The following PGPEP1 variants were observed in gnomAD, a reference collection of about 807,000 sequenced individuals.
The protein encoded by PGPEP1 is pyroglutamyl-peptidase 1.
A neutral mutation model predicts 24.1 loss-of-function variants in PGPEP1; 15 were observed. The ratio of observed to expected loss-of-function variants is 0.62; its 90% CI spans 0.42 to 0.96. The LOEUF (loss-of-function observed/expected upper bound fraction) is 0.96. Among genes scored for constraint, PGPEP1 ranks in the 40% least tolerant of loss-of-function variants. The pLI is 0.00. For synonymous variants in PGPEP1, 122 were observed against 116.4 expected, an observed-to-expected ratio of 1.05 and a Z score of -0.31; for missense variants, 242 against 273.4, an observed-to-expected ratio of 0.89 and a Z score of 0.81.
intron 4 of PGPEP1, chr19:18,361,761 C>T (rs1378505306): frequency 2.0e-6 from 2 of 985,216 alleles, no homozygotes; most frequent in Middle Eastern, 5.2e-4. Flanking sequence ...TACATATATA[C>T]ATCACTTGGC....
In PGPEP1 at chr19:18,363,377, G is replaced by A. The variant is rs768702725; in HGVS notation, c.438-14G>A. 1.0e-5 allele frequency: 16 copies of A among 1,596,244 alleles called. No homozygotes were observed. The highest frequency in any genetic ancestry group is 1.7e-4 in the Middle Eastern group (1 of 6,050). On this transcript the variant is annotated splice_polypyrimidine_tract_variant and intron_variant, in intron 4 of 4. Transcript: ENST00000269919. The stretch of plus-strand genomic sequence containing the variant: ...TTTTGGTCTCTCTCTTACCCGCCAC[G>A]CCCTGCGGCTTAGATATCTCTGCGA...
intron 4 of PGPEP1, 81 bp from the exon 5 acceptor site, chr19:18,363,310 G>A (rs1273080097): frequency 2.7e-6 from 3 of 1,108,516 alleles, no homozygotes; most frequent in Admixed American, 4.2e-5. Context: ...GGATTTGGAT[G>A]GGTGCTGTCA....
Position 18,342,893 on chromosome 19 carries a change from C to T in PGPEP1, c.69C>T (p.Ala23=). 6 of 1,613,764 alleles carry T rather than the reference C, an allele frequency of 3.7e-6. No homozygotes were observed. Among genetic ancestry groups the T allele is most frequent in the Non-Finnish European group, 5.1e-6 (6 of 1,179,690 alleles). The change falls in exon 2 of 5, where the codon GCC becomes GCT. Residue 23 remains alanine (A), a synonymous_variant. Transcript: ENST00000269919. ...FGPFGEHTVN[A]SWIAVQELEK... is the part of the protein sequence containing the mutation. ...CTTTTGGGGAACACACCGTGAACGC[C>T]AGTTGGATTGCAGTTCAGGTAACTT...
rs1322138751 is a variant in PGPEP1, at chr19:18,366,920, G to C, written c.*3337G>C. On this transcript the variant is annotated 3_prime_UTR_variant, in exon 5 of 5. Transcript: ENST00000269919. Reference sequence around the variant, plus strand: ...TGTAATCCTAGCACTTTGGGAGGTTGAGGCAGGAGAATCCCTTGAGCCAGG... The same window carrying C: ...TGTAATCCTAGCACTTTGGGAGGTTCAGGCAGGAGAATCCCTTGAGCCAGG... The C allele has an allele frequency of 6.6e-6, 1 of 152,052 alleles. No homozygotes were observed. The highest frequency in any genetic ancestry group is 1.5e-5 in the Non-Finnish European group (1 of 68,090). 9.4% of individuals were successfully genotyped at this position (152,052 alleles called of 1,614,324 possible).
In PGPEP1 at chr19:18,363,752, G is replaced by A; in HGVS notation, c.*169G>A. Reference sequence around the variant, plus strand: ...TTCCTCCTTCTCTACAAAAGCTCCGGTTGATTCGAGGGAAGTGGTGAAAAT... The same window carrying A: ...TTCCTCCTTCTCTACAAAAGCTCCGATTGATTCGAGGGAAGTGGTGAAAAT... On this transcript the variant is annotated 3_prime_UTR_variant, in exon 5 of 5. Transcript: ENST00000269919. 1.9e-6 allele frequency: 1 copy of A among 519,578 alleles called. No individual in the cohort carries two copies. Among genetic ancestry groups the A allele is most frequent in the Non-Finnish European group, 3.3e-6 (1 of 300,070 alleles). The allele number at this position is 519,578 out of a possible 1,614,324, so 32.2% of individuals were successfully genotyped here.
intron 2 of PGPEP1, among the ~76,000 whole-genome samples, chr19:18,348,092 C>T (rs1363353270): frequency 2.0e-5 from 3 of 152,068 alleles, no homozygotes; most frequent in Non-Finnish European, 4.4e-5. Flanking sequence ...CTTCCCCCAG[C>T]ACCCCAAGCA....
At position 18,342,913 on chromosome 19, in the gene PGPEP1, T is replaced by G. The variant is rs749451938; in HGVS notation, c.87+2T>G. The G allele has an allele frequency of 1.2e-6, 2 of 1,611,744 alleles. No homozygotes were observed. On this transcript the variant is annotated splice_donor_variant, in intron 2 of 4. Coordinates refer to ENST00000269919, the MANE Select transcript of PGPEP1 (RefSeq NM_017712.4). LOFTEE classifies it high-confidence loss of function. ...AACGCCAGTTGGATTGCAGTTCAGGTAACTTAGATCCGGAGGGTGGGAGTC... is the reference window on the plus strand; with the variant it reads ...AACGCCAGTTGGATTGCAGTTCAGGGAACTTAGATCCGGAGGGTGGGAGTC...
chr19:18,358,679 C>A (rs902244411), intron 4 of PGPEP1, among the ~76,000 whole-genome samples: 1 of 151,842 alleles, frequency 6.6e-6, no homozygotes, highest in African/African-American at 2.4e-5. Context: ...GCAATGGCGC[C>A]ATCTCGGCTC....
chr19:18,357,042 A>T (rs1421173267), intron 3 of PGPEP1, among the ~76,000 whole-genome samples: 1 of 152,240 alleles, frequency 6.6e-6, no homozygotes. Flanking sequence ...CATCTCAACA[A>T]AGAAACAAAA....
intron 2 of PGPEP1, among the ~76,000 whole-genome samples, chr19:18,343,911 T>C (rs150172056): frequency 0.019 from 2,849 of 152,084 alleles, 96 homozygotes; most frequent in African/African-American, 0.063. Context: ...CTCAAACTCC[T>C]GACTTCAGGT....
chr19:18,368,267 A>ATC lies in PGPEP1; in HGVS notation c.*4688_*4689dup, dbSNP rs1291993523. On this transcript the variant is annotated 3_prime_UTR_variant, in exon 5 of 5. Coordinates refer to ENST00000269919, the MANE Select transcript of PGPEP1 (RefSeq NM_017712.4). ...AGCCTGGCCAACATAGCAAAACCCC[A>ATC]TCTCTACTAAAAATACAAAAATTAG... The ATC allele has an allele frequency of 6.6e-6, 1 of 152,104 alleles. No homozygotes were observed. The highest frequency in any genetic ancestry group is 1.9e-4 in the East Asian group (1 of 5,178). The allele number at this position is 152,104 out of a possible 1,614,324, so 9.4% of individuals were successfully genotyped here.
chr19:18,347,273 T>C (rs992632112), intron 2 of PGPEP1, among the ~76,000 whole-genome samples: 2 of 133,372 alleles, frequency 1.5e-5, no homozygotes, highest in African/African-American at 5.4e-5. Flanking sequence ...TTTCTTTCTT[T>C]TTTTTTTTTT....
At chr19:18,349,655 G>A (rs1436694154) in intron 2 of PGPEP1, among the ~76,000 whole-genome samples, 2 of 152,108 alleles carry the variant, frequency 1.3e-5, no homozygotes, top group South Asian at 2.1e-4. Flanking sequence ...AAAATCATGC[G>A]ATGAGTTTTT....
chr19:18,346,772 C>T (rs530776514), intron 2 of PGPEP1, among the ~76,000 whole-genome samples: 53 of 151,502 alleles, frequency 3.5e-4, no homozygotes, highest in African/African-American at 1.2e-3. Context: ...TCCTGAGTAG[C>T]TGGGATTACA....
chr19:18,353,694 A>G (rs924714969), intron 2 of PGPEP1, among the ~76,000 whole-genome samples: 2 of 151,968 alleles, frequency 1.3e-5, no homozygotes, highest in East Asian at 1.9e-4. Context: ...TCCTGTCTCT[A>G]TGGATTTGCC....
In PGPEP1 at chr19:18,363,766, AGTG is replaced by A. The variant is rs1971425787; in HGVS notation, c.*187_*189del. On this transcript the variant is annotated 3_prime_UTR_variant, in exon 5 of 5. Coordinates refer to ENST00000269919, the MANE Select transcript of PGPEP1 (RefSeq NM_017712.4). Reference sequence around the variant, plus strand: ...CAAAAGCTCCGGTTGATTCGAGGGAAGTGGTGAAAATTTTTTTTTCTCCCATTT... The same window carrying A: ...CAAAAGCTCCGGTTGATTCGAGGGAAGTGAAAATTTTTTTTTCTCCCATTT... The A allele has an allele frequency of 2.0e-6, 1 of 503,422 alleles. No homozygotes were observed. Among genetic ancestry groups the A allele is most frequent in the South Asian group, 3.7e-5 (1 of 26,864 alleles). The allele number at this position is 503,422 out of a possible 1,614,324, so 31.2% of individuals were successfully genotyped here. A position where few individuals can be genotyped will look rare whatever the true frequency, so the allele number is the denominator to read the frequency against.
intron 2 of PGPEP1, among the ~76,000 whole-genome samples, chr19:18,352,254 G>A (rs1256850855): frequency 2.6e-4 from 12 of 45,328 alleles, no homozygotes; most frequent in East Asian, 1.7e-3. Context: ...GTGACAGAGC[G>A]AGACTCCGTC....
At chr19:18,352,592 C>T (rs1349880942) in intron 2 of PGPEP1, among the ~76,000 whole-genome samples, 4 of 151,370 alleles carry the variant, frequency 2.6e-5, no homozygotes, top group East Asian at 1.9e-4. Flanking sequence ...CTTGCTCTGT[C>T]GCCCAGGCTA....
In PGPEP1 at chr19:18,355,463, G is replaced by A. The variant is rs111971037; in HGVS notation, c.88-432G>A. Among the ~76,000 whole-genome samples the A allele has an allele frequency of 5.8e-3, 883 of 152,108 alleles. 7 individuals are homozygous for A. Among genetic ancestry groups the A allele is most frequent in the African/African-American group, 0.02 (848 of 41,486 alleles). ...TTTAGTAGAGATGGGGTGACACCATGTTGGCTAGACTGGTCTCGAACTCCT... is the reference window on the plus strand; with the variant it reads ...TTTAGTAGAGATGGGGTGACACCATATTGGCTAGACTGGTCTCGAACTCCT... On this transcript the variant is annotated intron_variant, in intron 2 of 4. Coordinates refer to ENST00000269919, the MANE Select transcript of PGPEP1 (RefSeq NM_017712.4).
Sources: allele counts gnomAD v4.1 joint callset (sites outside exome capture counted in the v4.1 genomes callset), GRCh38; gene constraint gnomAD v4.1.1; transcripts MANE v1.5; gene names NCBI Gene and HGNC (gene_info 2026-07-23, HGNC 2026-07-21).